The following ZBTB37 variants were observed in gnomAD, a reference collection of about 807,000 sequenced individuals.
ZBTB37 encodes zinc finger and BTB domain-containing protein 37.
Under a neutral mutation model 37.7 loss-of-function variants are expected in ZBTB37, and 15 were observed. The observed-to-expected ratio is 0.40, with a 90% CI of 0.27 to 0.61. ZBTB37 has a LOEUF of 0.61. Among genes scored for constraint, ZBTB37 ranks in the 20% least tolerant of loss-of-function variants. The probability of loss-of-function intolerance (pLI) is 0.44; values close to 1 mark genes in which losing one functional copy is unlikely to be tolerated. For synonymous variants in ZBTB37, 231 were observed against 220.6 expected, an observed-to-expected ratio of 1.05 and a Z score of -0.42; for missense variants, 514 against 641.9, an observed-to-expected ratio of 0.80 and a Z score of 2.15.
exon 3 of ZBTB37, chr1:173,870,380 C>T: frequency 6.2e-7 from 1 of 1,614,166 alleles, no homozygotes; most frequent in Non-Finnish European, 8.5e-7. Context: ...GTGCTGGCTG[C>T]CAGCTCCCCC....
chr1:173,883,726 C>T (rs908082792), intron 4 of ZBTB37, among the ~76,000 whole-genome samples: 4 of 152,180 alleles, frequency 2.6e-5, no homozygotes, highest in Non-Finnish European at 5.9e-5. Flanking sequence ...CTTAAAACCT[C>T]AGTCTTAGTA....
In ZBTB37 at chr1:173,871,056, T is replaced by C. The variant is rs201597821; in HGVS notation, c.831T>C (p.Asp277=). The C allele has an allele frequency of 2.7e-5, 43 of 1,614,220 alleles. No individual in the cohort carries two copies. In the East Asian group the frequency reaches 8.5e-4, roughly 32 times the overall value. Residue 277 remains aspartate (D), a synonymous_variant, in exon 3 of 5, where the codon GAT becomes GAC. Coordinates refer to ENST00000427304, the Ensembl canonical transcript of ZBTB37. ...AGGAAGTAACAGCCATGGTGATTGA[T>C]ACCACAGGCCATGGTTCTGTAGGAC...
chr1:173,870,176 G>GA (rs773523621), intron 2 of ZBTB37, 24 bp from the exon 3 acceptor site: 48 of 1,429,034 alleles, frequency 3.4e-5, no homozygotes, highest in Admixed American at 1.8e-4. Flanking sequence ...TTATTAATGA[G>GA]AATATGGTTT....
intron 4 of ZBTB37, among the ~76,000 whole-genome samples, chr1:173,878,538 G>T (rs1656109152): frequency 6.6e-6 from 1 of 152,084 alleles, no homozygotes; most frequent in African/African-American, 2.4e-5. Context: ...CCAGTGATGG[G>T]GTCACCAATG....
At chr1:173,869,441 A>AT (rs937450995) in intron 2 of ZBTB37, among the ~76,000 whole-genome samples, 2 of 152,184 alleles carry the variant, frequency 1.3e-5, no homozygotes, top group Non-Finnish European at 2.9e-5. Flanking sequence ...TAAATGCTGT[A>AT]TTTTTTCATC....
intron 2 of ZBTB37, among the ~76,000 whole-genome samples, chr1:173,869,652 G>C (rs1017946817): frequency 1.2e-4 from 6 of 49,670 alleles, no homozygotes; most frequent in Admixed American, 6.5e-4. Flanking sequence ...TCTTTTTGTG[G>C]GGGGGGCTCT....
exon 3 of ZBTB37, chr1:173,871,065 C>T: frequency 6.2e-7 from 1 of 1,614,132 alleles, no homozygotes; most frequent in Non-Finnish European, 8.5e-7. Context: ...ATACCACAGG[C>T]CATGGTTCTG....
chr1:173,870,664 G>C, exon 3 of ZBTB37: 1 of 1,614,176 alleles, frequency 6.2e-7, no homozygotes, highest in Non-Finnish European at 8.5e-7. Flanking sequence ...AAAGCATCAA[G>C]AGAGACCTCC....
chr1:173,871,593 T>C (rs1380559971), intron 3 of ZBTB37, among the ~76,000 whole-genome samples: 1 of 152,192 alleles, frequency 6.6e-6, no homozygotes, highest in African/African-American at 2.4e-5. Flanking sequence ...ACTACCAAAT[T>C]AGAGGAAGTA....
At chr1:173,880,087 A>G (rs1011973121) in intron 4 of ZBTB37, among the ~76,000 whole-genome samples, 1 of 152,258 alleles carries the variant, frequency 6.6e-6, no homozygotes, top group Non-Finnish European at 1.5e-5. Context: ...TAGGGGAAAC[A>G]GGAACACAGG....
chr1:173,892,112 G>A (rs1055782868), exon 4 of ZBTB37: 3 of 152,148 alleles, frequency 2.0e-5, no homozygotes, highest in Admixed American at 6.5e-5. Context: ...TATACCTATA[G>A]TAACAGTAGG....
chr1:173,876,683 GTT>G (rs1655989033), intron 4 of ZBTB37, among the ~76,000 whole-genome samples: 1 of 152,164 alleles, frequency 6.6e-6, no homozygotes, highest in South Asian at 2.1e-4. Flanking sequence ...TACAAACTGT[GTT>G]TTTTAGTTTT....
intron 4 of ZBTB37, among the ~76,000 whole-genome samples, chr1:173,884,397 A>T (rs1656506227): frequency 6.6e-6 from 1 of 152,072 alleles, no homozygotes; most frequent in Non-Finnish European, 1.5e-5. Flanking sequence ...GGCTCAAGTT[A>T]TTCTCCCACC....
At position 173,877,571 on chromosome 1, in the gene ZBTB37, G is replaced by A. The variant is rs931304782; in HGVS notation, c.1023+4005G>A. On this transcript the variant is annotated intron_variant, in intron 4 of 4. Transcript: ENST00000427304. ...AATTTTTTTGTTTTTTGTAGACACA[G>A]GGTTTCACTGTGTTGCCCAGGCTGA... 2.6e-5 allele frequency among the ~76,000 whole-genome samples: 4 copies of A among 151,990 alleles called. No homozygotes were observed. In the South Asian group the frequency reaches 8.3e-4, roughly 32 times the overall value.
intron 4 of ZBTB37, among the ~76,000 whole-genome samples, chr1:173,876,907 C>T (rs1656002756): frequency 6.6e-6 from 1 of 152,080 alleles, no homozygotes; most frequent in Non-Finnish European, 1.5e-5. Flanking sequence ...TATATTTACA[C>T]AAATTTAGAT....
chr1:173,894,879 T>C (rs768352352), exon 4 of ZBTB37: 1 of 152,200 alleles, frequency 6.6e-6, no homozygotes, highest in Non-Finnish European at 1.5e-5. Flanking sequence ...CCATTTATTA[T>C]GTCTACCATG....
exon 4 of ZBTB37, chr1:173,899,126 A>G (rs889669854): frequency 1.5e-4 from 23 of 152,374 alleles, no homozygotes; most frequent in African/African-American, 5.3e-4. Flanking sequence ...TTTCTGCCCA[A>G]ATGCAGTAAG....
chr1:173,902,210 A>G (rs781729343), exon 4 of ZBTB37: 4 of 152,252 alleles, frequency 2.6e-5, no homozygotes, highest in Admixed American at 1.3e-4. Context: ...CTCTCAGTTG[A>G]TATTGATTGA....
intron 4 of ZBTB37, among the ~76,000 whole-genome samples, chr1:173,881,604 T>A (rs912233444): frequency 6.6e-6 from 1 of 152,212 alleles, no homozygotes; most frequent in African/African-American, 2.4e-5. Flanking sequence ...CTCCACATCC[T>A]CTCCAGCACC....
Sources: allele counts gnomAD v4.1 joint callset (sites outside exome capture counted in the v4.1 genomes callset), GRCh38; gene constraint gnomAD v4.1.1; transcripts MANE v1.5; gene names NCBI Gene and HGNC (gene_info 2026-07-23, HGNC 2026-07-21).